Variants in SLC14A2 observed in about 807,000 individuals in gnomAD.
SLC14A2 encodes the protein solute carrier family 14 member 2, also known as urea transporter 2.
A neutral mutation model predicts 104.6 loss-of-function variants in SLC14A2; 91 were observed. The observed-to-expected ratio is 0.87, with a 90% CI of 0.73 to 1.04. The LOEUF is 1.04. Ranked by LOEUF, SLC14A2 falls within the 50% of genes least tolerant of loss-of-function variation. SLC14A2 has a pLI of 0.00. For missense variants in SLC14A2, 1,189 were observed against 1,156.0 expected, an observed-to-expected ratio of 1.03 and a Z score of -0.41; for synonymous variants, 476 against 466.4, an observed-to-expected ratio of 1.02 and a Z score of -0.27.
intron 2 of SLC14A2, among the ~76,000 whole-genome samples, chr18:45,578,544 G>T (rs575081309): frequency 5.3e-5 from 8 of 152,294 alleles, no homozygotes; most frequent in African/African-American, 1.7e-4. Flanking sequence ...AGTAAGAAAG[G>T]TACAGGGTTC....
At chr18:45,354,163 A>C (rs1427653278) in intron 1 of SLC14A2, among the ~76,000 whole-genome samples, 1 of 152,196 alleles carries the variant, frequency 6.6e-6, no homozygotes, top group African/African-American at 2.4e-5. Context: ...AAGACAAATT[A>C]CCTACACTAT....
chr18:45,334,948 G>A (rs1009996332), intron 1 of SLC14A2, among the ~76,000 whole-genome samples: 6 of 152,198 alleles, frequency 3.9e-5, no homozygotes, highest in Admixed American at 2.0e-4. Flanking sequence ...TCCTGACTTG[G>A]TACTGAAGTG....
intron 2 of SLC14A2, among the ~76,000 whole-genome samples, chr18:45,519,429 T>TGGG (rs1228821363): frequency 3.9e-5 from 6 of 152,194 alleles, no homozygotes; most frequent in Non-Finnish European, 1.5e-5. Context: ...ATCTGCCCAT[T>TGGG]CACAGAGTCT....
In SLC14A2 at chr18:45,551,075, C is replaced by G. The variant is rs184939800; in HGVS notation, c.-35+67753C>G. ...AGTAAGGAAAAACATGGGCCTAGAACCAATAATTAATCAATATGGCTTAGA... is the reference window on the plus strand; with the variant it reads ...AGTAAGGAAAAACATGGGCCTAGAAGCAATAATTAATCAATATGGCTTAGA... On this transcript the variant is annotated intron_variant, in intron 2 of 20. Coordinates refer to the SLC14A2 transcript ENST00000586448. Among the ~76,000 whole-genome samples the G allele has an allele frequency of 1.6e-3, 240 of 152,174 alleles. 2 individuals carry two copies. Among genetic ancestry groups the G allele is most frequent in the African/African-American group, 5.6e-3 (234 of 41,508 alleles).
chr18:45,366,641 T>C (rs1568169270), intron 1 of SLC14A2, among the ~76,000 whole-genome samples: 1 of 152,162 alleles, frequency 6.6e-6, no homozygotes, highest in African/African-American at 2.4e-5. Context: ...AAAAACCAGC[T>C]ACAGCCTTCT....
At chr18:45,497,302 G>A (rs905523413) in intron 2 of SLC14A2, among the ~76,000 whole-genome samples, 10 of 152,140 alleles carry the variant, frequency 6.6e-5, no homozygotes, top group Admixed American at 6.5e-5. Context: ...TTCAACAACC[G>A]TGTATTGATC....
At chr18:45,419,449 G>C (rs550343535) in intron 1 of SLC14A2, among the ~76,000 whole-genome samples, 1 of 152,280 alleles carries the variant, frequency 6.6e-6, no homozygotes, top group African/African-American at 2.4e-5. Context: ...TTGTCATTCT[G>C]TCCCAGAAGC....
At chr18:45,616,906 T>C (rs1017178899) in intron 1 of SLC14A2, among the ~76,000 whole-genome samples, 7 of 152,262 alleles carry the variant, frequency 4.6e-5, no homozygotes, top group Middle Eastern at 6.8e-3. Context: ...GAGACCAGTC[T>C]GGGCAACATG....
At chr18:45,312,266 G>T (rs1340359674) in intron 1 of SLC14A2, among the ~76,000 whole-genome samples, 1 of 151,964 alleles carries the variant, frequency 6.6e-6, no homozygotes, top group African/African-American at 2.4e-5. Flanking sequence ...TATTTTTATT[G>T]GTAGGAAAGG....
At chr18:45,669,215 T>C (rs2046084483) in intron 15 of SLC14A2, 91 bp from the exon 16 acceptor site, 1 of 1,077,608 alleles carries the variant, frequency 9.3e-7, no homozygotes, top group Non-Finnish European at 1.3e-6. Context: ...TGCTTTTCTC[T>C]AGGAAGGCAC....
intron 18 of SLC14A2, among the ~76,000 whole-genome samples, chr18:45,674,971 T>C: frequency 6.6e-6 from 1 of 152,216 alleles, no homozygotes; most frequent in East Asian, 1.9e-4. Flanking sequence ...GTGGCTCAAC[T>C]GCGTGTAAAA....
chr18:45,293,720 C>T (rs910583140), intron 1 of SLC14A2, among the ~76,000 whole-genome samples: 9 of 152,072 alleles, frequency 5.9e-5, no homozygotes, highest in Admixed American at 2.6e-4. Context: ...TGTTTCTTTA[C>T]GAAGAGGTTG....
chr18:45,236,003 ATG>A (rs1220197174), intron 1 of SLC14A2, among the ~76,000 whole-genome samples: 2 of 58,912 alleles, frequency 3.4e-5, no homozygotes, highest in Admixed American at 1.9e-4. Context: ...ATATACATAT[ATG>A]TGTGTATATA....
intron 18 of SLC14A2, among the ~76,000 whole-genome samples, chr18:45,677,613 G>C (rs1022588301): frequency 3.3e-5 from 5 of 152,098 alleles, no homozygotes; most frequent in African/African-American, 1.2e-4. Context: ...TGACACATAG[G>C]GAATGTCCAG....
chr18:45,196,100 A>C, the SLC14A2 span, among the ~76,000 whole-genome samples: 1 of 152,198 alleles, frequency 6.6e-6, no homozygotes, highest in Non-Finnish European at 1.5e-5. Context: ...ACACTGTTTG[A>C]ACAATTGGCC....
chr18:45,244,687 G>A (rs1318718586), intron 1 of SLC14A2, among the ~76,000 whole-genome samples: 1 of 152,130 alleles, frequency 6.6e-6, no homozygotes, highest in Non-Finnish European at 1.5e-5. Flanking sequence ...AAATAGACAT[G>A]CCTGTATGAG....
At chr18:45,211,643 A>G (rs1050870342), upstream of SLC14A2, among the ~76,000 whole-genome samples, 1 of 151,426 alleles carries the variant, frequency 6.6e-6, no homozygotes. Context: ...CTCCTTCTTT[A>G]TAGCCATTGT....
chr18:45,264,880 C>T lies in SLC14A2; in HGVS notation c.-125+51689C>T, dbSNP rs147261367. On this transcript the variant is annotated intron_variant, in intron 1 of 20. Coordinates refer to the SLC14A2 transcript ENST00000586448. The stretch of plus-strand genomic sequence containing the variant: ...TTGAGTTTTGAAAAACAGAAACTTA[C>T]CTTGAGCTTTCAGCTGTACTGTTCT... Among the ~76,000 whole-genome samples the T allele has an allele frequency of 1.0e-3, 157 of 152,196 alleles. 1 individual carries two copies. Among genetic ancestry groups the T allele is most frequent in the African/African-American group, 3.5e-3 (146 of 41,520 alleles).
At chr18:45,260,451 T>TCAGTA (rs1279536794) in intron 1 of SLC14A2, among the ~76,000 whole-genome samples, 4 of 152,184 alleles carry the variant, frequency 2.6e-5, no homozygotes, top group African/African-American at 9.7e-5. Context: ...TCAGTAACCC[T>TCAGTA]ACTACTGGGT....
Sources: allele counts gnomAD v4.1 joint callset (sites outside exome capture counted in the v4.1 genomes callset), GRCh38; gene constraint gnomAD v4.1.1; transcripts MANE v1.5; gene names NCBI Gene and HGNC (gene_info 2026-07-23, HGNC 2026-07-21).